ABL2: variants seen among roughly 807,000 people sequenced by gnomAD.
The protein encoded by ABL2 is ABL proto-oncogene 2, non-receptor tyrosine kinase.
In ABL2, 49 loss-of-function variants were observed where a neutral mutation model predicts 107.7. That is an observed-to-expected ratio of 0.45 (90% CI 0.36 to 0.58). The LOEUF (loss-of-function observed/expected upper bound fraction) is 0.58. Ranked by LOEUF, ABL2 falls within the 20% of genes least tolerant of loss-of-function variation. The pLI, the probability that ABL2 is intolerant of heterozygous loss-of-function variation, is 0.00. For missense variants in ABL2, 1,245 were observed against 1,457.0 expected (o/e 0.85, Z 2.37); for synonymous variants, 549 against 548.6 (o/e 1.00, Z -0.01).
chr1:179,124,795 C>T (rs527897960), intron 4 of ABL2, among the ~76,000 whole-genome samples: 28 of 152,268 alleles, frequency 1.8e-4, no homozygotes, highest in African/African-American at 6.0e-4. Flanking sequence ...AACAGAATCA[C>T]ACAATATGTA....
chr1:179,197,576 T>TAA (rs1275022737), intron 1 of ABL2, among the ~76,000 whole-genome samples: 1 of 140,146 alleles, frequency 7.1e-6, no homozygotes, highest in Non-Finnish European at 1.6e-5. Context: ...AAAAAAAAAT[T>TAA]AAAAAAAAAA....
intron 10 of ABL2, 129 bp downstream of exon 10, chr1:179,112,177 CTTG>C (rs1654151597): frequency 1.5e-6 from 1 of 680,548 alleles, no homozygotes. Flanking sequence ...ATGCAATGTC[CTTG>C]TAGTTAAAAG....
chr1:179,221,974 T>C (rs571267179), intron 1 of ABL2: 1 of 228,234 alleles, frequency 4.4e-6, no homozygotes, highest in Non-Finnish European at 1.0e-5. Context: ...AAAGTGGACA[T>C]TCATATTCCA....
intron 1 of ABL2, among the ~76,000 whole-genome samples, chr1:179,163,399 T>G (rs1454061580): frequency 1.3e-5 from 2 of 152,168 alleles, no homozygotes; most frequent in African/African-American, 4.8e-5. Flanking sequence ...AAATGGAAAC[T>G]TAAGTTCACA....
In ABL2 at chr1:179,157,260, T is replaced by G. The variant is rs560327649; in HGVS notation, c.158-23886A>C. ...CTATAATCCCAGAACTTTGGGAGGC[T>G]GAGGCAAGCAGATCACATGAGGTCA... On this transcript the variant is annotated intron_variant, in intron 1 of 11. Transcript: ENST00000502732. Among the ~76,000 whole-genome samples the G allele has an allele frequency of 2.6e-5, 4 of 152,264 alleles. No individual in the cohort carries two copies. In the South Asian group the frequency reaches 8.3e-4, roughly 32 times the overall value.
At chr1:179,151,949 C>A (rs552209669) in intron 1 of ABL2, among the ~76,000 whole-genome samples, 5 of 152,106 alleles carry the variant, frequency 3.3e-5, no homozygotes, top group African/African-American at 1.2e-4. Flanking sequence ...GAGTAGGAGC[C>A]TTTTCTGATT....
chr1:179,134,278 G>A (rs1656627896), intron 1 of ABL2, among the ~76,000 whole-genome samples: 1 of 152,292 alleles, frequency 6.6e-6, no homozygotes, highest in African/African-American at 2.4e-5. Context: ...CAGGCACGGT[G>A]GCTCAGGCCT....
At chr1:179,114,349 A>G (rs987262661) in intron 9 of ABL2, among the ~76,000 whole-genome samples, 7 of 131,064 alleles carry the variant, frequency 5.3e-5, no homozygotes, top group African/African-American at 1.7e-4. Context: ...TAGAGGTTTC[A>G]GTGAGCCGAA....
Position 179,108,133 on chromosome 1 carries a change from T to G in ABL2, c.3134A>C (p.Gln1045Pro), listed in dbSNP as rs1557903363. The G allele has an allele frequency of 5.0e-6, 8 of 1,614,236 alleles. No homozygotes were observed. Among genetic ancestry groups the G allele is most frequent in the Non-Finnish European group, 6.8e-6 (8 of 1,180,040 alleles). Residue 1045 changes from glutamine to proline, a missense_variant, in exon 12 of 12, where the codon CAA (glutamine) becomes CCA (proline). Physicochemically the swap from Gln to Pro is moderately conservative, Grantham distance 76. Transcript: ENST00000502732. ...KAGRPVMPPP[Q>P]VPLPTSSISP... ...GATGGAAGATGTGGGCAGAGGCACT[T>G]GAGGTGGAGGCATCACTGGCCTCCC...
Position 179,106,223 on chromosome 1 carries a change from C to G in ABL2, c.*1495G>C. Reference sequence around the variant, plus strand: ...CTGGAATTAGACCCGATACCAAGAACATTAATAATACCTAACTCATTAGAT... The same window carrying G: ...CTGGAATTAGACCCGATACCAAGAAGATTAATAATACCTAACTCATTAGAT... On this transcript the variant is annotated 3_prime_UTR_variant, in exon 12 of 12. Transcript: ENST00000502732. 1.3e-5 allele frequency: 3 copies of G among 226,070 alleles called. No homozygotes were observed. The highest frequency in any genetic ancestry group is 1.3e-4 in the East Asian group (2 of 15,598). The allele number at this position is 226,070 out of a possible 1,614,324, so 14.0% of individuals were successfully genotyped here. A position where few individuals can be genotyped will look rare whatever the true frequency, so the allele number is the denominator to read the frequency against.
intron 1 of ABL2, among the ~76,000 whole-genome samples, chr1:179,223,095 G>C (rs1275365894): frequency 7.6e-6 from 1 of 131,366 alleles, no homozygotes; most frequent in African/African-American, 2.9e-5. Context: ...GGGAGACAGA[G>C]CAAGGCTCCC....
chr1:179,164,523 A>AG (rs1435987233), intron 1 of ABL2, among the ~76,000 whole-genome samples: 1 of 152,216 alleles, frequency 6.6e-6, no homozygotes, highest in Non-Finnish European at 1.5e-5. Context: ...TTTAGGCAAA[A>AG]GATAATGAAA....
Position 179,119,460 on chromosome 1 carries a change from A to G in ABL2, c.1046-696T>C, listed in dbSNP as rs1246075756. Among the ~76,000 whole-genome samples the G allele has an allele frequency of 2.6e-5, 4 of 151,382 alleles. 1 individual carries two copies. The highest frequency in any genetic ancestry group is 2.6e-4 in the Admixed American group (4 of 15,154). On this transcript the variant is annotated intron_variant, in intron 6 of 11. Transcript: ENST00000502732. Reference sequence around the variant, plus strand: ...TGGGAGGTGGAGGTTGCAGTGAGCCAGGATCATGCCACTGCACTCCAGCCA... The same window carrying G: ...TGGGAGGTGGAGGTTGCAGTGAGCCGGGATCATGCCACTGCACTCCAGCCA...
intron 1 of ABL2, among the ~76,000 whole-genome samples, chr1:179,198,074 G>C (rs1168135877): frequency 2.0e-5 from 3 of 148,712 alleles, no homozygotes; most frequent in Non-Finnish European, 4.5e-5. Flanking sequence ...TTGACAGGCT[G>C]AAGTGCGACG....
intron 1 of ABL2, among the ~76,000 whole-genome samples, chr1:179,218,924 C>T (rs764947309): frequency 2.6e-5 from 4 of 152,186 alleles, no homozygotes; most frequent in Non-Finnish European, 5.9e-5. Flanking sequence ...ATATTTACCT[C>T]GTCCAGAAGA....
At chr1:179,185,164 A>C (rs1223414918) in intron 1 of ABL2, among the ~76,000 whole-genome samples, 2 of 152,178 alleles carry the variant, frequency 1.3e-5, no homozygotes, top group African/African-American at 2.4e-5. Flanking sequence ...TTGTTTAAAA[A>C]GGGGGAAAGA....
chr1:179,155,787 A>C (rs1658651969), intron 1 of ABL2, among the ~76,000 whole-genome samples: 1 of 151,706 alleles, frequency 6.6e-6, no homozygotes, highest in South Asian at 2.1e-4. Context: ...GAATCCATCC[A>C]AAAAAAATAA....
intron 1 of ABL2, among the ~76,000 whole-genome samples, chr1:179,199,827 C>T (rs1329864353): frequency 1.4e-5 from 2 of 148,050 alleles, no homozygotes; most frequent in Non-Finnish European, 3.0e-5. Flanking sequence ...TGAACTCCTG[C>T]GCTCAAGCAA....
chr1:179,203,399 T>C (rs1015383607), intron 1 of ABL2, among the ~76,000 whole-genome samples: 1 of 152,186 alleles, frequency 6.6e-6, no homozygotes, highest in Non-Finnish European at 1.5e-5. Flanking sequence ...CCAGTTAGTA[T>C]GCACCATCAC....
Sources: allele counts gnomAD v4.1 joint callset (sites outside exome capture counted in the v4.1 genomes callset), GRCh38; gene constraint gnomAD v4.1.1; transcripts MANE v1.5; gene names NCBI Gene and HGNC (gene_info 2026-07-23, HGNC 2026-07-21).